Variants in GPC6 observed in about 807,000 individuals in gnomAD.
The protein encoded by GPC6 is glypican-6.
A neutral mutation model predicts 55.2 loss-of-function variants in GPC6; 14 were observed. The ratio of observed to expected loss-of-function variants is 0.25; its 90% CI spans 0.17 to 0.40. The LOEUF (loss-of-function observed/expected upper bound fraction) is 0.40, where lower values mean the gene tolerates loss of function less well. GPC6 is among the 10% of genes least tolerant of loss of function. The pLI is 1.00. For missense variants in GPC6, 641 were observed against 708.5 expected (o/e 0.90, Z 1.08); for synonymous variants, 278 against 259.6 (o/e 1.07, Z -0.68).
At chr13:94,038,415 G>C (rs997276187) in intron 4 of GPC6, among the ~76,000 whole-genome samples, 2 of 151,814 alleles carry the variant, frequency 1.3e-5, no homozygotes, top group African/African-American at 2.4e-5. Context: ...ACATAACCTG[G>C]ACCTGAGATC....
intron 3 of GPC6, among the ~76,000 whole-genome samples, chr13:93,875,963 A>G (rs1889279725): frequency 6.6e-6 from 1 of 152,056 alleles, no homozygotes; most frequent in South Asian, 2.1e-4. Flanking sequence ...TGAATTTAAC[A>G]GCAAAGCTAG....
intron 1 of GPC6, among the ~76,000 whole-genome samples, chr13:93,232,631 C>T (rs1876099068): frequency 6.6e-6 from 1 of 152,000 alleles, no homozygotes; most frequent in East Asian, 1.9e-4. Flanking sequence ...AAATATAGGC[C>T]ACTGTCAAAA....
intron 3 of GPC6, among the ~76,000 whole-genome samples, chr13:93,841,622 A>G (rs1887958448): frequency 2.0e-5 from 3 of 152,340 alleles, no homozygotes; most frequent in Admixed American, 2.0e-4. Flanking sequence ...TGACTCTAAC[A>G]TTCAGACGTA....
chr13:93,803,345 T>A (rs912270592), intron 2 of GPC6, among the ~76,000 whole-genome samples: 7 of 152,176 alleles, frequency 4.6e-5, no homozygotes, highest in African/African-American at 1.4e-4. Context: ...AAATATGTTA[T>A]CTTATCCAGT....
chr13:94,082,941 C>A (rs1885151939), intron 4 of GPC6, among the ~76,000 whole-genome samples: 1 of 152,128 alleles, frequency 6.6e-6, no homozygotes, highest in African/African-American at 2.4e-5. Context: ...TCCTGTATTT[C>A]TTCTAGAACT....
intron 3 of GPC6, among the ~76,000 whole-genome samples, chr13:93,924,696 C>CTTTTT (rs10710851): frequency 3.9e-5 from 5 of 128,566 alleles, no homozygotes; most frequent in Non-Finnish European, 5.1e-5. Flanking sequence ...TCTTTCTTTT[C>CTTTTT]TTTTTTTTTT....
intron 2 of GPC6, among the ~76,000 whole-genome samples, chr13:93,643,630 C>T (rs575039633): frequency 6.6e-6 from 1 of 152,186 alleles, no homozygotes; most frequent in East Asian, 1.9e-4. Context: ...TTTCTTCTTT[C>T]CTGGTAAGGG....
chr13:93,627,063 G>A lies in GPC6; in HGVS notation c.319+81642G>A, dbSNP rs889784435. ...GTACATGTGCAGAACATGCAGTTTT[G>A]TTACATAGGTATACACATGCCATGG... is the stretch of plus-strand genomic sequence containing the variant. On this transcript the variant is annotated intron_variant, in intron 2 of 8. Transcript: ENST00000377047. 2.0e-4 allele frequency among the ~76,000 whole-genome samples: 30 copies of A among 152,020 alleles called. 2 individuals are homozygous for A. The highest frequency in any genetic ancestry group is 1.4e-3 in the Admixed American group (22 of 15,252).
At chr13:94,175,548 G>T (rs1348894903) in intron 4 of GPC6, among the ~76,000 whole-genome samples, 1 of 151,986 alleles carries the variant, frequency 6.6e-6, no homozygotes, top group Non-Finnish European at 1.5e-5. Context: ...TCATGGAATT[G>T]GTATTCTGAT....
chr13:93,703,883 T>A (rs1594385610), intron 2 of GPC6, among the ~76,000 whole-genome samples: 1 of 152,084 alleles, frequency 6.6e-6, no homozygotes, highest in South Asian at 2.1e-4. Context: ...TTACAGGATT[T>A]CATTTAATTC....
At chr13:93,360,785 A>G (rs927389828) in intron 1 of GPC6, among the ~76,000 whole-genome samples, 2 of 152,126 alleles carry the variant, frequency 1.3e-5, no homozygotes, top group East Asian at 1.9e-4. Context: ...AATATATTCA[A>G]TAGGTTCACA....
Position 93,969,683 on chromosome 13 carries a change from T to A in GPC6, c.712-58046T>A, listed in dbSNP as rs140539048. Among the ~76,000 whole-genome samples the A allele has an allele frequency of 5.4e-3, 820 of 152,262 alleles. 6 individuals carry two copies. The highest frequency in any genetic ancestry group is 0.019 in the African/African-American group (770 of 41,562). ...TTTTTAGTGTATACTTCAATGGTCA[T>A]AAATACATTTACATCCATTTTTTTT... On this transcript the variant is annotated intron_variant, in intron 3 of 8. Transcript: ENST00000377047.
chr13:93,978,967 G>A (rs1241298889), intron 3 of GPC6, among the ~76,000 whole-genome samples: 4 of 152,022 alleles, frequency 2.6e-5, no homozygotes, highest in Non-Finnish European at 5.9e-5. Context: ...TGAGAAGATG[G>A]ACAAACTTCC....
At chr13:94,121,019 C>A (rs954972330) in intron 4 of GPC6, among the ~76,000 whole-genome samples, 8 of 151,980 alleles carry the variant, frequency 5.3e-5, no homozygotes, top group Non-Finnish European at 8.8e-5. Flanking sequence ...ACAGAGGGAC[C>A]ATTAAAAAGA....
chr13:93,607,193 G>A (rs1277490313), intron 2 of GPC6, among the ~76,000 whole-genome samples: 4 of 151,978 alleles, frequency 2.6e-5, no homozygotes, highest in East Asian at 3.8e-4. Context: ...AGTCTTATTC[G>A]GATATGACAT....
chr13:93,471,710 C>T (rs2590545), intron 1 of GPC6, among the ~76,000 whole-genome samples: 124,840 of 152,010 alleles, frequency 0.82, 51,377 homozygotes, highest in East Asian at 0.99. Context: ...TATTAATGTT[C>T]TCTGATTTAA....
At chr13:93,688,459 A>G (rs1450325435) in intron 2 of GPC6, among the ~76,000 whole-genome samples, 1 of 152,112 alleles carries the variant, frequency 6.6e-6, no homozygotes, top group African/African-American at 2.4e-5. Flanking sequence ...AGCGTTAGAT[A>G]TGTGTGCACC....
intron 6 of GPC6, among the ~76,000 whole-genome samples, chr13:94,374,707 G>A (rs1283987080): frequency 1.1e-4 from 17 of 149,118 alleles, no homozygotes; most frequent in African/African-American, 2.3e-4. Context: ...TGCACCAAGC[G>A]GACCTAATAG....
chr13:93,765,308 T>TTCCAGATAAGCTGTCTGGAAAGAC, intron 2 of GPC6, among the ~76,000 whole-genome samples: 214 of 148,472 alleles, frequency 1.4e-3, no homozygotes, highest in East Asian at 2.8e-3. Flanking sequence ...AAAGACAACT[T>TTCCAGATAAGCTGTCTGGAAAGAC]ATTTGGTTTA....
Sources: gnomAD v4.1 joint callset for allele counts (sites outside exome capture counted in the v4.1 genomes callset) on GRCh38, gnomAD v4.1.1 for gene constraint, MANE v1.5 for transcripts, NCBI Gene and HGNC (gene_info 2026-07-23, HGNC 2026-07-21) for gene names.